The following PTPRT variants were observed in gnomAD, a reference collection of about 807,000 sequenced individuals.
The protein encoded by PTPRT is receptor-type tyrosine-protein phosphatase T.
In PTPRT, 56 loss-of-function variants were observed where a neutral mutation model predicts 176.8. The observed-to-expected ratio is 0.32, with a 90% CI of 0.26 to 0.40. PTPRT has a LOEUF of 0.40. PTPRT is among the 10% of genes least tolerant of loss of function. PTPRT has a pLI of 1.00. For synonymous variants in PTPRT, 783 were observed against 739.0 expected (o/e 1.06, Z -0.96); for missense variants, 1,540 against 1,908.2 (o/e 0.81, Z 3.60).
intron 12 of PTPRT, among the ~76,000 whole-genome samples, chr20:42,315,031 T>C (rs535192899): frequency 6.6e-6 from 1 of 152,282 alleles, no homozygotes; most frequent in African/African-American, 2.4e-5. Context: ...TGTGATTTTC[T>C]AATATTATGA....
intron 6 of PTPRT, among the ~76,000 whole-genome samples, chr20:42,716,654 CT>C (rs2076228245): frequency 6.6e-6 from 1 of 152,018 alleles, no homozygotes; most frequent in Non-Finnish European, 1.5e-5. Flanking sequence ...GATATTAGCC[CT>C]TTGTCAGATG....
intron 1 of PTPRT, among the ~76,000 whole-genome samples, chr20:42,995,600 C>G (rs1299744820): frequency 2.0e-5 from 3 of 152,218 alleles, no homozygotes; most frequent in East Asian, 1.9e-4. Flanking sequence ...GTACTGAGCA[C>G]AAAAATGTCA....
At position 43,107,486 on chromosome 20, in the gene PTPRT, C is replaced by T. The variant is rs182666792; in HGVS notation, c.88+82160G>A. On this transcript the variant is annotated intron_variant, in intron 1 of 30. Coordinates refer to ENST00000373187, the MANE Select transcript of PTPRT (RefSeq NM_007050.6). ...GAAATAAAATACAAGACATCACCTTCCACTGGGCTGAGAAAATTTAGACTA... is the reference window on the plus strand; with the variant it reads ...GAAATAAAATACAAGACATCACCTTTCACTGGGCTGAGAAAATTTAGACTA... Among the ~76,000 whole-genome samples, 373 of 152,324 alleles carry T rather than the reference C, an allele frequency of 2.4e-3. 5 individuals are homozygous for T. The highest frequency in any genetic ancestry group is 0.014 in the Middle Eastern group (4 of 294).
intron 1 of PTPRT, among the ~76,000 whole-genome samples, chr20:43,100,854 T>C (rs1290414781): frequency 6.6e-6 from 1 of 152,198 alleles, no homozygotes; most frequent in Non-Finnish European, 1.5e-5. Flanking sequence ...CCCATGCAAA[T>C]ACACATAAAC....
intron 1 of PTPRT, among the ~76,000 whole-genome samples, chr20:43,128,230 T>C (rs1421951240): frequency 5.3e-5 from 8 of 152,146 alleles, no homozygotes; most frequent in Non-Finnish European, 8.8e-5. Context: ...TTTGGACAAC[T>C]GGGAGATGTT....
At chr20:42,545,292 A>T (rs1157406595) in intron 7 of PTPRT, among the ~76,000 whole-genome samples, 1 of 152,114 alleles carries the variant, frequency 6.6e-6, no homozygotes, top group Admixed American at 6.5e-5. Flanking sequence ...ATTCTCAGTT[A>T]CCTGGCAAAC....
intron 16 of PTPRT, among the ~76,000 whole-genome samples, chr20:42,196,952 A>T (rs967260020): frequency 2.6e-5 from 4 of 152,214 alleles, no homozygotes; most frequent in African/African-American, 7.2e-5. Context: ...CATTAATAGG[A>T]TGTAAAGGGA....
intron 1 of PTPRT, among the ~76,000 whole-genome samples, chr20:42,924,220 C>A (rs58589364): frequency 2.0e-5 from 3 of 152,078 alleles, no homozygotes; most frequent in Non-Finnish European, 2.9e-5. Flanking sequence ...ACTTTTATAA[C>A]CTGCCTTTTA....
intron 17 of PTPRT, among the ~76,000 whole-genome samples, chr20:42,155,294 A>G (rs1208822128): frequency 6.6e-6 from 1 of 152,174 alleles, no homozygotes; most frequent in South Asian, 2.1e-4. Context: ...AGGTGAAGTT[A>G]ATTTGTCTTG....
At chr20:42,360,484 C>A (rs968387376) in intron 9 of PTPRT, among the ~76,000 whole-genome samples, 1 of 152,194 alleles carries the variant, frequency 6.6e-6, no homozygotes, top group Non-Finnish European at 1.5e-5. Context: ...TAATATGAAG[C>A]CTCAACCTCC....
chr20:42,898,955 A>C (rs2079352257), intron 1 of PTPRT, among the ~76,000 whole-genome samples: 1 of 152,184 alleles, frequency 6.6e-6, no homozygotes, highest in South Asian at 2.1e-4. Context: ...AACCAGCCTG[A>C]AAAGTGGTCC....
intron 7 of PTPRT, among the ~76,000 whole-genome samples, chr20:42,573,732 G>A (rs1014437001): frequency 3.4e-5 from 5 of 146,642 alleles, no homozygotes; most frequent in African/African-American, 7.6e-5. Context: ...ATGGCAAGAC[G>A]GACCCTTTCT....
At chr20:43,125,311 T>C (rs1433291018) in intron 1 of PTPRT, among the ~76,000 whole-genome samples, 1 of 152,128 alleles carries the variant, frequency 6.6e-6, no homozygotes, top group African/African-American at 2.4e-5. Context: ...GATTTGGGAT[T>C]TGAACTCTGA....
chr20:42,384,195 A>G (rs754858779), intron 9 of PTPRT, among the ~76,000 whole-genome samples: 2 of 152,244 alleles, frequency 1.3e-5, no homozygotes, highest in Non-Finnish European at 2.9e-5. Context: ...CTGGGAACAC[A>G]AAGATTAATA....
intron 7 of PTPRT, among the ~76,000 whole-genome samples, chr20:42,480,776 G>T (rs1304188252): frequency 6.6e-6 from 1 of 152,140 alleles, no homozygotes; most frequent in Non-Finnish European, 1.5e-5. Flanking sequence ...AGCCATCAAA[G>T]AAATTTAAGG....
chr20:43,179,424 T>C lies in PTPRT; in HGVS notation c.88+10222A>G, dbSNP rs527311962. Reference sequence around the variant, plus strand: ...AATTTTAAAAACTGGGATATGTACATGTAATAAAAATATTAAGTTTCAGCT... The same window carrying C: ...AATTTTAAAAACTGGGATATGTACACGTAATAAAAATATTAAGTTTCAGCT... On this transcript the variant is annotated intron_variant, in intron 1 of 30. Coordinates refer to ENST00000373187, the MANE Select transcript of PTPRT (RefSeq NM_007050.6). Among the ~76,000 whole-genome samples, 3 of 152,348 alleles carry C rather than the reference T, an allele frequency of 2.0e-5. No individual in the cohort carries two copies. In the South Asian group the frequency reaches 6.2e-4, roughly 32 times the overall value.
chr20:43,119,152 A>G (rs112952048), intron 1 of PTPRT, among the ~76,000 whole-genome samples: 5 of 152,248 alleles, frequency 3.3e-5, no homozygotes, highest in African/African-American at 1.2e-4. Context: ...TGTTTTTCAA[A>G]AAACTAGAAA....
At chr20:42,299,253 A>ACC (rs2057426559) in intron 12 of PTPRT, among the ~76,000 whole-genome samples, 1 of 152,326 alleles carries the variant, frequency 6.6e-6, no homozygotes, top group Admixed American at 6.5e-5. Context: ...CATATTAAGA[A>ACC]ATCAACAGGG....
chr20:42,368,019 C>T (rs2058538534), intron 9 of PTPRT, among the ~76,000 whole-genome samples: 1 of 152,146 alleles, frequency 6.6e-6, no homozygotes, highest in African/African-American at 2.4e-5. Context: ...TCTACCCAGG[C>T]TCTGGGTGCT....
Sources: gnomAD v4.1 joint callset for allele counts (sites outside exome capture counted in the v4.1 genomes callset) on GRCh38, gnomAD v4.1.1 for gene constraint, MANE v1.5 for transcripts, NCBI Gene and HGNC (gene_info 2026-07-23, HGNC 2026-07-21) for gene names.